The following NKAIN2 variants were observed in gnomAD, a reference collection of about 807,000 sequenced individuals.
NKAIN2 encodes sodium/potassium-transporting ATPase subunit beta-1-interacting protein 2.
NKAIN2 carries 14 observed loss-of-function variants against 32.6 expected under a neutral mutation model. That is an observed-to-expected ratio of 0.43 (90% CI 0.28 to 0.67). The LOEUF (loss-of-function observed/expected upper bound fraction) is 0.67. Among genes scored for constraint, NKAIN2 ranks in the 30% least tolerant of loss-of-function variants. The pLI is 0.17. For missense variants in NKAIN2, 198 were observed against 258.3 expected (o/e 0.77, Z 1.60); for synonymous variants, 80 against 87.2 (o/e 0.92, Z 0.46).
At chr6:124,471,465 C>CTGGCATA (rs1193793560) in intron 3 of NKAIN2, among the ~76,000 whole-genome samples, 4 of 152,100 alleles carry the variant, frequency 2.6e-5, no homozygotes, top group Admixed American at 2.6e-4. Flanking sequence ...TAGTAAATCT[C>CTGGCATA]TGGCATATTC....
chr6:124,658,621 T>C (rs1302491837), intron 4 of NKAIN2: 5 of 1,023,676 alleles, frequency 4.9e-6, no homozygotes, highest in Non-Finnish European at 7.0e-6. Flanking sequence ...GCATTTTACA[T>C]AGGAAATCCA....
At chr6:123,845,957 A>G (rs1429363629) in intron 1 of NKAIN2, among the ~76,000 whole-genome samples, 2 of 152,090 alleles carry the variant, frequency 1.3e-5, no homozygotes, top group African/African-American at 4.8e-5. Flanking sequence ...CTATATTTTT[A>G]TTACATGAAC....
chr6:123,860,418 T>G lies in NKAIN2; in HGVS notation c.54+56164T>G, dbSNP rs1261301989. Among the ~76,000 whole-genome samples the G allele has an allele frequency of 2.0e-5, 3 of 152,276 alleles. No homozygotes were observed. The East Asian group carries it at 5.8e-4, about 29-fold the overall frequency. On this transcript the variant is annotated intron_variant, in intron 1 of 6. Coordinates refer to ENST00000368417, the MANE Select transcript of NKAIN2 (RefSeq NM_001040214.3). ...GCGTTTAAAGTAATAGTGTATGTAT[T>G]ATTATTATCTGAGACAGGATGTCAC...
At chr6:124,307,918 A>G (rs1179347354) in intron 2 of NKAIN2, among the ~76,000 whole-genome samples, 1 of 152,088 alleles carries the variant, frequency 6.6e-6, no homozygotes, top group African/African-American at 2.4e-5. Context: ...ATAAAAATGT[A>G]TTATTAATCC....
In NKAIN2 at chr6:124,389,747, GTGT is replaced by G. The variant is rs1773065403; in HGVS notation, c.273+34401_273+34403del. On this transcript the variant is annotated intron_variant, in intron 3 of 6. Coordinates refer to ENST00000368417, the MANE Select transcript of NKAIN2 (RefSeq NM_001040214.3). ...TGTGTGTGTGTGTGTGTGTGTGTGTGTGTGGGTTTGAATCTGTGACTGTAGAAA... is the reference window on the plus strand; with the variant it reads ...TGTGTGTGTGTGTGTGTGTGTGTGTGGGGTTTGAATCTGTGACTGTAGAAA... Among the ~76,000 whole-genome samples, 11 of 132,884 alleles carry G rather than the reference GTGT, an allele frequency of 8.3e-5. No homozygotes were observed. The Middle Eastern group carries it at 0.011, about 130-fold the overall frequency. 87.2% of individuals were successfully genotyped at this position (132,884 alleles called of 152,430 possible).
At chr6:123,843,267 G>C (rs1403305222) in intron 1 of NKAIN2, among the ~76,000 whole-genome samples, 1 of 152,186 alleles carries the variant, frequency 6.6e-6, no homozygotes, top group Non-Finnish European at 1.5e-5. Flanking sequence ...GGATTGAAGG[G>C]TGGTGTATGC....
intron 3 of NKAIN2, among the ~76,000 whole-genome samples, chr6:124,419,532 A>C (rs1444131642): frequency 6.6e-6 from 1 of 152,176 alleles, no homozygotes; most frequent in Non-Finnish European, 1.5e-5. Context: ...CTGAATTCCA[A>C]ATTTCACACC....
chr6:124,451,968 G>T (rs1024012463), intron 3 of NKAIN2, among the ~76,000 whole-genome samples: 1 of 152,058 alleles, frequency 6.6e-6, no homozygotes, highest in African/African-American at 2.4e-5. Flanking sequence ...GCCAAGGTGG[G>T]CAGATCACTT....
At chr6:124,687,156 T>C (rs912174843) in intron 4 of NKAIN2, among the ~76,000 whole-genome samples, 6 of 145,348 alleles carry the variant, frequency 4.1e-5, no homozygotes, top group Admixed American at 7.0e-5. Context: ...ATATGGAATA[T>C]AAATATTCTC....
At chr6:124,086,445 T>C (rs1188745597) in intron 1 of NKAIN2, among the ~76,000 whole-genome samples, 1 of 152,032 alleles carries the variant, frequency 6.6e-6, no homozygotes, top group African/African-American at 2.4e-5. Context: ...TTGTAAGCAG[T>C]ATTCCTTTTG....
chr6:124,625,037 C>CTAAATACT (rs1783258288), intron 3 of NKAIN2, among the ~76,000 whole-genome samples: 1 of 152,076 alleles, frequency 6.6e-6, no homozygotes. Flanking sequence ...TAAGCTGCAT[C>CTAAATACT]ATTCATATAT....
intron 3 of NKAIN2, among the ~76,000 whole-genome samples, chr6:124,379,589 G>C (rs887484678): frequency 6.6e-6 from 1 of 152,094 alleles, no homozygotes; most frequent in Non-Finnish European, 1.5e-5. Flanking sequence ...GGAAAAAGGT[G>C]GGACAGAGGC....
At chr6:123,966,298 C>T (rs548414025) in intron 1 of NKAIN2, among the ~76,000 whole-genome samples, 43 of 152,240 alleles carry the variant, frequency 2.8e-4, no homozygotes, top group African/African-American at 9.4e-4. Context: ...CTTGCCTTCC[C>T]TCCTGCATTT....
intron 3 of NKAIN2, among the ~76,000 whole-genome samples, chr6:124,650,079 G>T (rs1784314558): frequency 6.6e-6 from 1 of 152,138 alleles, no homozygotes; most frequent in Admixed American, 6.6e-5. Context: ...TTTCTACTAA[G>T]ATCAGGAACA....
At chr6:124,622,094 A>G (rs557186) in intron 3 of NKAIN2, among the ~76,000 whole-genome samples, 8 of 152,194 alleles carry the variant, frequency 5.3e-5, no homozygotes, top group African/African-American at 1.9e-4. Flanking sequence ...AGTTCAAACC[A>G]AGGTATGTGC....
intron 1 of NKAIN2, among the ~76,000 whole-genome samples, chr6:123,817,802 A>G (rs1413163243): frequency 6.6e-6 from 1 of 152,168 alleles, no homozygotes; most frequent in African/African-American, 2.4e-5. Context: ...ATGAAAGTAA[A>G]AGAAGATTGG....
chr6:124,765,657 T>C lies in NKAIN2; in HGVS notation c.475-25682T>C, dbSNP rs77898662. 2.6e-3 allele frequency among the ~76,000 whole-genome samples: 402 copies of C among 152,344 alleles called. 1 individual carries two copies. Among genetic ancestry groups the C allele is most frequent in the African/African-American group, 9.2e-3 (382 of 41,588 alleles). Reference sequence around the variant, plus strand: ...TGAAGAATAAGAACATGCACAAGCATTAATGCCTCATCTTCCCCAGCCCCC... The same window carrying C: ...TGAAGAATAAGAACATGCACAAGCACTAATGCCTCATCTTCCCCAGCCCCC... On this transcript the variant is annotated intron_variant, in intron 4 of 6. Transcript: ENST00000368417.
intron 1 of NKAIN2, among the ~76,000 whole-genome samples, chr6:124,185,535 T>C (rs1027545762): frequency 1.3e-5 from 2 of 152,208 alleles, no homozygotes; most frequent in Admixed American, 6.5e-5. Context: ...CTACACTAAT[T>C]GCTTTTATAA....
At chr6:123,823,109 G>A (rs371352483) in intron 1 of NKAIN2, 4 of 152,250 alleles carry the variant, frequency 2.6e-5, no homozygotes, top group South Asian at 2.1e-4. Flanking sequence ...TGTAGTATTC[G>A]GAAATATCAG....
Sources: allele counts gnomAD v4.1 joint callset (sites outside exome capture counted in the v4.1 genomes callset), GRCh38; gene constraint gnomAD v4.1.1; transcripts MANE v1.5; gene names NCBI Gene and HGNC (gene_info 2026-07-23, HGNC 2026-07-21).